FBLN1: variants seen among roughly 807,000 people sequenced by gnomAD.
FBLN1 encodes the protein fibulin 1.
A neutral mutation model predicts 89.7 loss-of-function variants in FBLN1; 34 were observed. The ratio of observed to expected loss-of-function variants is 0.38; its 90% CI spans 0.29 to 0.50. The LOEUF (loss-of-function observed/expected upper bound fraction) is 0.50, where lower values mean the gene tolerates loss of function less well. FBLN1 is among the 20% of genes least tolerant of loss of function. FBLN1 has a pLI of 0.92. For synonymous variants in FBLN1, 393 were observed against 391.3 expected (o/e 1.00, Z -0.05); for missense variants, 777 against 988.1 (o/e 0.79, Z 2.86).
chr22:45,559,008 C>CGAATAAGATTATGACAT (rs1351892417), intron 14 of FBLN1, among the ~76,000 whole-genome samples: 1 of 152,138 alleles, frequency 6.6e-6, no homozygotes, highest in East Asian at 1.9e-4. Context: ...AAGGTCTCTC[C>CGAATAAGATTATGACAT]GAATAAGATT....
At chr22:45,591,114 C>T (rs2089132591) in intron 16 of FBLN1, among the ~76,000 whole-genome samples, 1 of 152,208 alleles carries the variant, frequency 6.6e-6, no homozygotes, top group Non-Finnish European at 1.5e-5. Context: ...ACCTTGTCTT[C>T]CTTTGGCAAG....
At position 45,545,669 on chromosome 22, in the gene FBLN1, A is replaced by G. The variant is rs1039445572; in HGVS notation, c.1322-1416A>G. Among the ~76,000 whole-genome samples, 2 of 152,168 alleles carry G rather than the reference A, an allele frequency of 1.3e-5. No homozygotes were observed. The highest frequency in any genetic ancestry group is 1.5e-5 in the Non-Finnish European group (1 of 68,020). ...TGTCTCTAGCGGGGGATGAGAGACC[A>G]CACTGGACAGGTGGAGGCCAGGCCT... On this transcript the variant is annotated intron_variant, in intron 11 of 16. Coordinates refer to ENST00000327858, the MANE Select transcript of FBLN1 (RefSeq NM_006486.3). This position sits in a 1 kb window ranked among gnomAD's most constrained non-coding sequence, Gnocchi z 5.9.
intron 16 of FBLN1, among the ~76,000 whole-genome samples, chr22:45,598,560 C>A (rs2089205316): frequency 6.6e-6 from 1 of 152,202 alleles, no homozygotes; most frequent in African/African-American, 2.4e-5. Context: ...TTCCAAGAAA[C>A]CTGTCCTGAC....
intron 16 of FBLN1, among the ~76,000 whole-genome samples, chr22:45,599,304 ACTGCTGCT>A (rs1407266606): frequency 6.6e-6 from 1 of 152,160 alleles, no homozygotes; most frequent in African/African-American, 2.4e-5. Flanking sequence ...TGGGGACGCC[ACTGCTGCT>A]CTGATCCTCT....
chr22:45,535,348 T>C lies in FBLN1; in HGVS notation c.922+11T>C. ...TAGGCAACTGTATTGGTAAGAGGTG[T>C]GCCGCCAGGATTAGCGGGTTATTCC... On this transcript the variant is annotated intron_variant, in intron 8 of 16. Transcript: ENST00000327858. 6.2e-7 allele frequency: 1 copy of C among 1,614,110 alleles called. No individual in the cohort carries two copies. Among genetic ancestry groups the C allele is most frequent in the Non-Finnish European group, 8.5e-7 (1 of 1,179,956 alleles).
chr22:45,528,109 C>A, intron 4 of FBLN1, 100 bp downstream of exon 4: 2 of 1,352,110 alleles, frequency 1.5e-6, no homozygotes, highest in Non-Finnish European at 2.0e-6. Context: ...AAGGACTTGG[C>A]TCATGTGATC....
At position 45,583,851 on chromosome 22, in the gene FBLN1, G is replaced by A. The variant is rs1443256850; in HGVS notation, c.1972+6743G>A. On this transcript the variant is annotated intron_variant, in intron 16 of 16. Coordinates refer to ENST00000327858, the MANE Select transcript of FBLN1 (RefSeq NM_006486.3). The surrounding 1 kb of genome is among the most constrained non-coding windows in gnomAD (Gnocchi z 4.5). ...CCTGTGGGACCAAAGCCTTTACTGGGGTCCAGGGTGTTATCCAGGCAGGTT... is the reference window on the plus strand; with the variant it reads ...CCTGTGGGACCAAAGCCTTTACTGGAGTCCAGGGTGTTATCCAGGCAGGTT... 2.0e-5 allele frequency among the ~76,000 whole-genome samples: 3 copies of A among 152,160 alleles called. No individual in the cohort carries two copies. The highest frequency in any genetic ancestry group is 1.9e-4 in the East Asian group (1 of 5,184).
intron 3 of FBLN1, 23 bp downstream of exon 3, chr22:45,525,701 G>A: frequency 6.4e-7 from 1 of 1,551,186 alleles, no homozygotes; most frequent in Non-Finnish European, 8.7e-7. Context: ...GACCATGTGG[G>A]GTCGCTGCCC....
At chr22:45,525,211 GAA>G (rs2088308783) in intron 2 of FBLN1, among the ~76,000 whole-genome samples, 3 of 152,038 alleles carry the variant, frequency 2.0e-5, no homozygotes, top group South Asian at 2.1e-4. Context: ...GAGAAAGAAA[GAA>G]AGAGAGAAAA....
At position 45,536,383 on chromosome 22, in the gene FBLN1, G is replaced by T. The variant is rs575016922; in HGVS notation, c.922+1046G>T. Among the ~76,000 whole-genome samples, 2 of 152,110 alleles carry T rather than the reference G, an allele frequency of 1.3e-5. No homozygotes were observed. Among genetic ancestry groups the T allele is most frequent in the African/African-American group, 4.8e-5 (2 of 41,408 alleles). On this transcript the variant is annotated intron_variant, in intron 8 of 16. Coordinates refer to ENST00000327858, the MANE Select transcript of FBLN1 (RefSeq NM_006486.3). The surrounding 1 kb of genome is among the most constrained non-coding windows in gnomAD (Gnocchi z 5.1). Reference sequence around the variant, plus strand: ...GGCACGACAGTGTGAATGCAGTAATGCCCCTGAACCGTCTACTTAAAATGG... The same window carrying T: ...GGCACGACAGTGTGAATGCAGTAATTCCCCTGAACCGTCTACTTAAAATGG...
Position 45,533,248 on chromosome 22 carries a change from C to A in FBLN1, c.646+84C>A, listed in dbSNP as rs1392601117. The A allele has an allele frequency of 3.2e-6, 4 of 1,237,840 alleles. No individual in the cohort carries two copies. In the African/African-American group the frequency reaches 4.4e-5, roughly 14 times the overall value. The allele number at this position is 1,237,840 out of a possible 1,614,324, so 76.7% of individuals were successfully genotyped here. A position where few individuals can be genotyped will look rare whatever the true frequency, so the allele number is the denominator to read the frequency against. Reference sequence around the variant, plus strand: ...GTGCTGGAGGACTGACCAGGGCCTGCCTTCTACAACCCAGACCCCATTCAG... The same window carrying A: ...GTGCTGGAGGACTGACCAGGGCCTGACTTCTACAACCCAGACCCCATTCAG... On this transcript the variant is annotated intron_variant, in intron 6 of 16. Transcript: ENST00000327858.
At chr22:45,566,221 C>T (rs955783571) in intron 14 of FBLN1, among the ~76,000 whole-genome samples, 60 of 152,318 alleles carry the variant, frequency 3.9e-4, no homozygotes, top group Admixed American at 4.6e-4. Context: ...TGGGGGAAAC[C>T]TCTCAGGGGC....
chr22:45,600,299 C>T lies in FBLN1; in HGVS notation c.1973-8C>T. On this transcript the variant is annotated splice_polypyrimidine_tract_variant and splice_region_variant and intron_variant, in intron 16 of 16. Coordinates refer to ENST00000327858, the MANE Select transcript of FBLN1 (RefSeq NM_006486.3). ...TAACTTCCAGCACACCTTCTGCTCT[C>T]TCCGCAGGTGTCGTGCGCCAGGTGC... 2 of 1,614,234 alleles carry T rather than the reference C, an allele frequency of 1.2e-6. No individual in the cohort carries two copies. Among genetic ancestry groups the T allele is most frequent in the Non-Finnish European group, 8.5e-7 (1 of 1,180,034 alleles).
At chr22:45,598,155 C>T (rs1166234023) in intron 16 of FBLN1, among the ~76,000 whole-genome samples, 1 of 152,234 alleles carries the variant, frequency 6.6e-6, no homozygotes, top group Non-Finnish European at 1.5e-5. Context: ...GGTTGTGAAG[C>T]TGCAGGCTCC....
rs530300427 is a variant in FBLN1, at chr22:45,563,349, G to A, written c.1698-11162G>A. 9.7e-5 allele frequency: 155 copies of A among 1,598,020 alleles called. No individual in the cohort carries two copies. The highest frequency in any genetic ancestry group is 3.7e-4 in the Middle Eastern group (2 of 5,340). ...GGGCGTTAATAAAGTCTTAGCAAGC[G>A]TCCCACACAGTGAGCCTCGCGTGCC... On this transcript the variant is annotated intron_variant, in intron 14 of 16. Coordinates refer to ENST00000327858, the MANE Select transcript of FBLN1 (RefSeq NM_006486.3). The surrounding 1 kb of genome is among the most constrained non-coding windows in gnomAD (Gnocchi z 5.7).
chr22:45,572,608 G>A lies in FBLN1; in HGVS notation c.1698-1903G>A, dbSNP rs4393839. The stretch of plus-strand genomic sequence containing the variant: ...GGAGTAGTCCAGCTAATAAATGGAA[G>A]TGAAGTGGTAGAACCAGACTATCGG... On this transcript the variant is annotated intron_variant, in intron 14 of 16. Coordinates refer to ENST00000327858, the MANE Select transcript of FBLN1 (RefSeq NM_006486.3). This position sits in a 1 kb window ranked among gnomAD's most constrained non-coding sequence, Gnocchi z 5.8. 0.66 allele frequency among the ~76,000 whole-genome samples: 100,712 copies of A among 152,166 alleles called. 33,524 individuals are homozygous for A. Among genetic ancestry groups the A allele is most frequent in the African/African-American group, 0.75 (31,043 of 41,514 alleles).
intron 16 of FBLN1, among the ~76,000 whole-genome samples, chr22:45,598,049 G>A (rs564353607): frequency 2.0e-5 from 3 of 152,310 alleles, no homozygotes; most frequent in South Asian, 2.1e-4. Flanking sequence ...GGCTGTCACC[G>A]TGCACGTTTC....
chr22:45,573,480 C>T (rs981463880), intron 14 of FBLN1, among the ~76,000 whole-genome samples: 6 of 151,202 alleles, frequency 4.0e-5, no homozygotes, highest in Non-Finnish European at 5.9e-5. Flanking sequence ...TCAAGACCAG[C>T]CTGACCAACA....
In FBLN1 at chr22:45,531,747, A is replaced by G. The variant is rs546917922; in HGVS notation, c.544+423A>G. Among the ~76,000 whole-genome samples the G allele has an allele frequency of 3.0e-4, 46 of 152,164 alleles. No individual in the cohort carries two copies. The highest frequency in any genetic ancestry group is 1.0e-3 in the African/African-American group (42 of 41,514). On this transcript the variant is annotated intron_variant, in intron 5 of 16. Coordinates refer to ENST00000327858, the MANE Select transcript of FBLN1 (RefSeq NM_006486.3). The surrounding 1 kb of genome is among the most constrained non-coding windows in gnomAD (Gnocchi z 4.9). The stretch of plus-strand genomic sequence containing the variant: ...GGGGAGGGGAAGGGTGGGCTTACCA[A>G]GGAGGGGCCCTGGTGAGGCCCTGCT...
Sources: gnomAD v4.1 joint callset for allele counts (sites outside exome capture counted in the v4.1 genomes callset) on GRCh38, gnomAD v4.1.1 for gene constraint, Gnocchi (gnomAD v3.1) non-coding constraint, MANE v1.5 for transcripts, NCBI Gene and HGNC (gene_info 2026-07-23, HGNC 2026-07-21) for gene names.